The following NARS1 variants were observed in gnomAD, a reference collection of about 807,000 sequenced individuals.
The protein encoded by NARS1 is asparagine--tRNA ligase, cytoplasmic.
In NARS1, 65 loss-of-function variants were observed where a neutral mutation model predicts 79.2. The observed-to-expected ratio is 0.82, with a 90% CI of 0.67 to 1.01. NARS1 has a LOEUF of 1.01. Ranked by LOEUF, NARS1 falls within the 50% of genes least tolerant of loss-of-function variation. The pLI is 0.00. For synonymous variants in NARS1, 229 were observed against 238.8 expected (o/e 0.96, Z 0.38); for missense variants, 649 against 673.8 (o/e 0.96, Z 0.41).
At chr18:57,602,290 AT>A in intron 13 of NARS1, 64 bp downstream of exon 13, 3 of 1,493,652 alleles carry the variant, frequency 2.0e-6, no homozygotes, top group Non-Finnish European at 2.7e-6. Flanking sequence ...CCTTTTAAAA[AT>A]TTCAATATAT....
At chr18:57,602,686 G>A (rs376970810) in intron 12 of NARS1, 126 bp downstream of exon 12, 60 of 1,300,836 alleles carry the variant, frequency 4.6e-5, no homozygotes, top group Middle Eastern at 1.9e-4. Context: ...AAAACCCAAC[G>A]TCTTTAAATA....
Position 57,601,634 on chromosome 18 carries a change from C to A in NARS1, c.*18G>T. On this transcript the variant is annotated 3_prime_UTR_variant, in exon 14 of 14. Coordinates refer to ENST00000256854, the MANE Select transcript of NARS1 (RefSeq NM_004539.4). ...TGTTCCTTTCATAATCTTTCCTCCA[C>A]GCTTCTGGAGAAAATGGTTATGGCG... 1 of 1,610,134 alleles carries A rather than the reference C, an allele frequency of 6.2e-7. No individual in the cohort carries two copies.
At chr18:57,602,207 T>G (rs2051512961) in intron 13 of NARS1, 148 bp downstream of exon 13, 1 of 720,590 alleles carries the variant, frequency 1.4e-6, no homozygotes, top group Non-Finnish European at 2.2e-6. Context: ...GCTGGCAATA[T>G]TCACACACCA....
intron 11 of NARS1, among the ~76,000 whole-genome samples, chr18:57,605,633 A>G (rs317829): frequency 0.19 from 28,308 of 150,662 alleles, 3,292 homozygotes; most frequent in East Asian, 0.41. Flanking sequence ...AAAAAAGAAA[A>G]AAAAAGAAAC....
intron 4 of NARS1, among the ~76,000 whole-genome samples, chr18:57,614,887 G>C (rs1272464163): frequency 6.6e-6 from 1 of 152,146 alleles, no homozygotes; most frequent in Non-Finnish European, 1.5e-5. Context: ...CTTCTGAAAG[G>C]AAAGTAGGCC....
chr18:57,616,738 C>G (rs1188350311), intron 2 of NARS1, among the ~76,000 whole-genome samples: 1 of 152,016 alleles, frequency 6.6e-6, no homozygotes, highest in African/African-American at 2.4e-5. Context: ...TGCAGTGGCT[C>G]AGGCCTGTAA....
chr18:57,610,422 A>G (rs1268749329), intron 6 of NARS1, among the ~76,000 whole-genome samples: 1 of 152,210 alleles, frequency 6.6e-6, no homozygotes, highest in East Asian at 1.9e-4. Flanking sequence ...CACTAAGCTG[A>G]GATCACGCCA....
At chr18:57,601,870 G>A in intron 13 of NARS1, 87 bp from the exon 14 acceptor site, 1 of 1,416,664 alleles carries the variant, frequency 7.1e-7, no homozygotes, top group Non-Finnish European at 9.8e-7. Context: ...CACCATGAAA[G>A]GAGTTAGCTC....
At chr18:57,605,347 G>C (rs1031884997) in intron 11 of NARS1, among the ~76,000 whole-genome samples, 1 of 151,586 alleles carries the variant, frequency 6.6e-6, no homozygotes, top group Non-Finnish European at 1.5e-5. Context: ...GGTGGCTCAC[G>C]CCTATAATCC....
At position 57,602,360 on chromosome 18, in the gene NARS1, C is replaced by T; in HGVS notation, c.1510G>A (p.Asp504Asn). ...ACTTAAAAAATTGGTTTTACCTGAT[C>T]CGTATACCAGTAATAGGGAGTGGGG... is the stretch of plus-strand genomic sequence containing the variant. Reference protein sequence around the residue: ...IDPTPYYWYTDQRKYGTCPHG... With the variant: ...IDPTPYYWYTNQRKYGTCPHG... Residue 504 changes from aspartate to asparagine, a missense_variant, in exon 13 of 14, where the codon GAT (aspartate) becomes AAT (asparagine). Asp to Asn is a conservative substitution (Grantham distance 23). Coordinates refer to ENST00000256854, the MANE Select transcript of NARS1 (RefSeq NM_004539.4). 6.2e-7 allele frequency: 1 copy of T among 1,612,046 alleles called. No individual in the cohort carries two copies.
chr18:57,605,756 G>T, intron 11 of NARS1, 101 bp downstream of exon 11: 2 of 745,626 alleles, frequency 2.7e-6, no homozygotes, highest in Non-Finnish European at 4.4e-6. Flanking sequence ...CCATTTATTT[G>T]AGGACAGGCA....
At chr18:57,605,055 AGTTTTAAATCACT>A (rs1347703275) in intron 11 of NARS1, among the ~76,000 whole-genome samples, 9 of 150,882 alleles carry the variant, frequency 6.0e-5, no homozygotes, top group African/African-American at 2.2e-4. Flanking sequence ...CACATTAAGA[AGTTTTAAATCACT>A]GTTTTGGGGG....
In NARS1 at chr18:57,602,710, T is replaced by C. The variant is rs2051519183; in HGVS notation, c.1383+102A>G. On this transcript the variant is annotated intron_variant, in intron 12 of 13. Transcript: ENST00000256854. ...CGTCTTTAAATATTGTTATTCTAGA[T>C]AGAGAATGAAATATTTGGCATGAGC... 12 of 1,383,436 alleles carry C rather than the reference T, an allele frequency of 8.7e-6. No homozygotes were observed. The South Asian group carries it at 1.3e-4, about 15-fold the overall frequency. 85.7% of individuals were successfully genotyped at this position (1,383,436 alleles called of 1,614,324 possible). A position where few individuals can be genotyped will look rare whatever the true frequency, so the allele number is the denominator to read the frequency against.
In NARS1 at chr18:57,620,710, AC is replaced by A. The variant is rs1256220631; in HGVS notation, c.11-60del. 1.1e-5 allele frequency: 11 copies of A among 982,804 alleles called. No homozygotes were observed. The East Asian group carries it at 2.7e-4, about 24-fold the overall frequency. 60.9% of individuals were successfully genotyped at this position (982,804 alleles called of 1,614,324 possible). On this transcript the variant is annotated intron_variant, in intron 1 of 13. Coordinates refer to ENST00000256854, the MANE Select transcript of NARS1 (RefSeq NM_004539.4). The stretch of plus-strand genomic sequence containing the variant: ...GCCATTAACTATTAGTCACCTTACT[AC>A]TTTATTCATTCCTTATCTTTGTAAA...
At chr18:57,610,965 C>CTTTT (rs773482503) in intron 6 of NARS1, among the ~76,000 whole-genome samples, 1 of 126,196 alleles carries the variant, frequency 7.9e-6, no homozygotes, top group Non-Finnish European at 1.7e-5. Context: ...TGACTATTAT[C>CTTTT]TTTTTTTTTT....
In NARS1 at chr18:57,607,255, C is replaced by T. The variant is rs754647200; in HGVS notation, c.880G>A (p.Ala294Thr). 1.2e-5 allele frequency: 19 copies of T among 1,613,982 alleles called. No individual in the cohort carries two copies. The highest frequency in any genetic ancestry group is 1.6e-5 in the Non-Finnish European group (19 of 1,180,026). ...AACTGAGAGGATTGAGTCAAAAATG[C>T]CTCTTCCCCAAAATAGTCAAGCTTG... ...LFKLDYFGEEAFLTQSSQLYL... is the reference protein window; with the variant it reads ...LFKLDYFGEETFLTQSSQLYL... The change falls in exon 9 of 14, where the codon GCA becomes ACA. Residue 294 changes from alanine to threonine, a missense_variant. Transcript: ENST00000256854.
At chr18:57,619,917 C>T (rs1262621204) in intron 2 of NARS1, among the ~76,000 whole-genome samples, 3 of 151,972 alleles carry the variant, frequency 2.0e-5, no homozygotes, top group Non-Finnish European at 2.9e-5. Flanking sequence ...CAAACTCCTG[C>T]GCTGAAGCAA....
intron 11 of NARS1, among the ~76,000 whole-genome samples, chr18:57,605,134 A>ATAT (rs1555683459): frequency 3.7e-5 from 5 of 135,234 alleles, no homozygotes; most frequent in South Asian, 2.3e-4. Context: ...AAAAAAAAAA[A>ATAT]ATATATATAT....
chr18:57,609,023 C>T (rs1038040071), intron 7 of NARS1, among the ~76,000 whole-genome samples: 11 of 152,224 alleles, frequency 7.2e-5, no homozygotes, highest in Non-Finnish European at 1.3e-4. Flanking sequence ...GACTCTTGGA[C>T]TTACACCAGT....
Sources: allele counts gnomAD v4.1 joint callset (sites outside exome capture counted in the v4.1 genomes callset), GRCh38; gene constraint gnomAD v4.1.1; transcripts MANE v1.5; gene names NCBI Gene and HGNC (gene_info 2026-07-23, HGNC 2026-07-21).